Variants in ESRRG observed in about 807,000 individuals in gnomAD.
ESRRG encodes estrogen related receptor gamma.
Under a neutral mutation model 44.0 loss-of-function variants are expected in ESRRG, and 13 were observed. The observed-to-expected ratio is 0.30, with a 90% confidence interval of 0.19 to 0.47. ESRRG has a LOEUF of 0.47. Among genes scored for constraint, ESRRG ranks in the 20% least tolerant of loss-of-function variants. The probability of loss-of-function intolerance (pLI) is 1.00; values close to 1 mark genes in which losing one functional copy is unlikely to be tolerated. For synonymous variants in ESRRG, 215 were observed against 214.6 expected, an observed-to-expected ratio of 1.00 and a Z score of -0.02; for missense variants, 395 against 580.6, an observed-to-expected ratio of 0.68 and a Z score of 3.29.
At chr1:216,610,439 T>C (rs1174882749) in intron 3 of ESRRG, among the ~76,000 whole-genome samples, 2 of 152,214 alleles carry the variant, frequency 1.3e-5, no homozygotes, top group East Asian at 3.9e-4. Context: ...GGAACATTTT[T>C]TTTTCCATTT....
intron 2 of ESRRG, among the ~76,000 whole-genome samples, chr1:216,790,019 A>T (rs1166141556): frequency 2.0e-5 from 3 of 152,250 alleles, no homozygotes; most frequent in Middle Eastern, 3.4e-3. Flanking sequence ...TCAACAGAAA[A>T]TGTCCTGACC....
At chr1:216,822,054 T>C (rs1207848931) in intron 2 of ESRRG, among the ~76,000 whole-genome samples, 2 of 152,136 alleles carry the variant, frequency 1.3e-5, no homozygotes, top group Admixed American at 1.3e-4. Flanking sequence ...TTGGTAACTC[T>C]GACATGATAA....
chr1:216,644,349 T>G (rs1333018319), intron 3 of ESRRG, among the ~76,000 whole-genome samples: 1 of 152,146 alleles, frequency 6.6e-6, no homozygotes, highest in South Asian at 2.1e-4. Flanking sequence ...TTTTCTAGAC[T>G]TCTACAAAGT....
intron 1 of ESRRG, among the ~76,000 whole-genome samples, chr1:217,075,152 C>T (rs1421325094): frequency 6.6e-6 from 1 of 152,168 alleles, no homozygotes; most frequent in Non-Finnish European, 1.5e-5. Flanking sequence ...AAAAAATCTA[C>T]CCACAAGTGG....
chr1:217,122,036 C>T (rs2092827165), intron 1 of ESRRG, among the ~76,000 whole-genome samples: 2 of 152,272 alleles, frequency 1.3e-5, no homozygotes, highest in South Asian at 2.1e-4. Flanking sequence ...TGACACAACA[C>T]CTTAGAGGAA....
intron 3 of ESRRG, among the ~76,000 whole-genome samples, chr1:216,611,743 T>A (rs2060700680): frequency 6.6e-6 from 1 of 151,628 alleles, no homozygotes; most frequent in Admixed American, 6.6e-5. Flanking sequence ...TATTTTGTAC[T>A]GTGCTAGAGG....
chr1:216,627,204 C>T (rs1231284791), intron 3 of ESRRG, among the ~76,000 whole-genome samples: 1 of 152,166 alleles, frequency 6.6e-6, no homozygotes, highest in Non-Finnish European at 1.5e-5. Context: ...TAGTTTGTAG[C>T]TACAAATTTT....
At chr1:216,742,092 C>G (rs1423733927) in intron 2 of ESRRG, among the ~76,000 whole-genome samples, 1 of 152,200 alleles carries the variant, frequency 6.6e-6, no homozygotes, top group Non-Finnish European at 1.5e-5. Flanking sequence ...ACCCTCTTTC[C>G]TGGCAAGTTT....
At chr1:216,725,371 G>A (rs188048211), upstream of ESRRG, among the ~76,000 whole-genome samples, 1 of 152,134 alleles carries the variant, frequency 6.6e-6, no homozygotes, top group African/African-American at 2.4e-5. Flanking sequence ...TGTAAATTTG[G>A]TTGTGAGCAG....
intron 2 of ESRRG, among the ~76,000 whole-genome samples, chr1:216,674,550 T>C (rs779058490): frequency 2.6e-5 from 4 of 152,024 alleles, no homozygotes; most frequent in Non-Finnish European, 5.9e-5. Context: ...ATGAAAAGAT[T>C]AGGATTAAGT....
chr1:216,916,888 A>G (rs1185494985), intron 2 of ESRRG, among the ~76,000 whole-genome samples: 1 of 78,868 alleles, frequency 1.3e-5, no homozygotes, highest in African/African-American at 5.0e-5. Flanking sequence ...TTTTTTTGCT[A>G]TGTAACTGAC....
At chr1:216,605,480 C>T (rs2059808812) in intron 3 of ESRRG, among the ~76,000 whole-genome samples, 1 of 152,038 alleles carries the variant, frequency 6.6e-6, no homozygotes, top group African/African-American at 2.4e-5. Flanking sequence ...GAATGTCTCT[C>T]AGGAATGAGA....
intron 1 of ESRRG, among the ~76,000 whole-genome samples, chr1:216,993,354 C>G (rs1214737567): frequency 6.6e-6 from 1 of 152,136 alleles, no homozygotes; most frequent in Non-Finnish European, 1.5e-5. Context: ...CTGAAATCTC[C>G]ACTTCTCACT....
upstream of ESRRG, among the ~76,000 whole-genome samples, chr1:216,727,851 C>T (rs541365282): frequency 7.9e-5 from 12 of 151,906 alleles, no homozygotes; most frequent in East Asian, 1.2e-3. Flanking sequence ...ACTGTCTCAC[C>T]GACATAACAC....
At chr1:216,521,072 A>T (rs1405667506) in intron 5 of ESRRG, among the ~76,000 whole-genome samples, 1 of 152,194 alleles carries the variant, frequency 6.6e-6, no homozygotes. Flanking sequence ...AGATATGTGT[A>T]AAATGCATTT....
intron 1 of ESRRG, among the ~76,000 whole-genome samples, chr1:217,046,655 A>G (rs1027179447): frequency 5.9e-5 from 9 of 152,160 alleles, no homozygotes; most frequent in South Asian, 2.1e-4. Flanking sequence ...AGGCCAGTGC[A>G]GGAGGATCTC....
chr1:216,923,350 C>A (rs867068531), intron 2 of ESRRG, among the ~76,000 whole-genome samples: 4 of 152,182 alleles, frequency 2.6e-5, no homozygotes, highest in African/African-American at 9.7e-5. Context: ...TGCCTAAACT[C>A]CAAAATCAAA....
chr1:216,857,340 T>C (rs770674168), intron 2 of ESRRG, among the ~76,000 whole-genome samples: 23 of 151,270 alleles, frequency 1.5e-4, no homozygotes, highest in Non-Finnish European at 2.5e-4. Flanking sequence ...TCCTTTCCTA[T>C]TCTCCCTTAA....
chr1:216,659,188 A>G (rs1479007703), intron 2 of ESRRG, among the ~76,000 whole-genome samples: 1 of 152,154 alleles, frequency 6.6e-6, no homozygotes, highest in African/African-American at 2.4e-5. Flanking sequence ...TTTACCTTGA[A>G]TCCTAAGGCT....
Sources: gnomAD v4.1 joint callset for allele counts (sites outside exome capture counted in the v4.1 genomes callset) on GRCh38, gnomAD v4.1.1 for gene constraint, MANE v1.5 for transcripts, NCBI Gene and HGNC (gene_info 2026-07-23, HGNC 2026-07-21) for gene names.